Variants in PLXDC2 observed in about 807,000 individuals in gnomAD.
PLXDC2 encodes the protein plexin domain-containing protein 2.
Under a neutral mutation model 68.9 loss-of-function variants are expected in PLXDC2, and 40 were observed. The observed-to-expected ratio is 0.58, with a 90% CI of 0.45 to 0.76. The LOEUF (loss-of-function observed/expected upper bound fraction) is 0.76, where lower values mean the gene tolerates loss of function less well. Among genes scored for constraint, PLXDC2 ranks in the 30% least tolerant of loss-of-function variants. The pLI is 0.00. For missense variants in PLXDC2, 644 were observed against 661.9 expected, an observed-to-expected ratio of 0.97 and a Z score of 0.30; for synonymous variants, 243 against 234.2, an observed-to-expected ratio of 1.04 and a Z score of -0.34.
intron 1 of PLXDC2, among the ~76,000 whole-genome samples, chr10:19,995,962 T>C (rs972383679): frequency 2.0e-5 from 3 of 152,132 alleles, no homozygotes; most frequent in South Asian, 4.1e-4. Flanking sequence ...TTCTGTGTGA[T>C]GGGAACATAG....
chr10:20,226,827 G>A (rs986765437), intron 12 of PLXDC2, among the ~76,000 whole-genome samples: 4 of 152,050 alleles, frequency 2.6e-5, no homozygotes, highest in African/African-American at 9.7e-5. Context: ...TTCAGTGTCC[G>A]CCTCCTGTCT....
At chr10:20,110,293 G>T (rs1033699434) in intron 4 of PLXDC2, among the ~76,000 whole-genome samples, 1 of 152,136 alleles carries the variant, frequency 6.6e-6, no homozygotes, top group Admixed American at 6.5e-5. Flanking sequence ...CTATCCTGGA[G>T]AGAAGACAGG....
chr10:20,006,164 G>A (rs1456996625), intron 2 of PLXDC2, among the ~76,000 whole-genome samples: 1 of 151,966 alleles, frequency 6.6e-6, no homozygotes. Context: ...GGGCAACAGA[G>A]CGAGACTCAG....
At chr10:20,093,581 A>G (rs1030849714) in intron 4 of PLXDC2, among the ~76,000 whole-genome samples, 1 of 152,150 alleles carries the variant, frequency 6.6e-6, no homozygotes, top group Non-Finnish European at 1.5e-5. Flanking sequence ...ATAAAGAACA[A>G]TATTTTTTTT....
intron 13 of PLXDC2, among the ~76,000 whole-genome samples, chr10:20,252,633 T>C (rs1186597995): frequency 1.3e-5 from 2 of 152,194 alleles, no homozygotes; most frequent in African/African-American, 4.8e-5. Flanking sequence ...GCTGGATAAG[T>C]TGACCAGTCA....
In PLXDC2 at chr10:19,877,370, C is replaced by T. The variant is rs193111484; in HGVS notation, c.112+60179C>T. Among the ~76,000 whole-genome samples the T allele has an allele frequency of 3.0e-3, 454 of 152,300 alleles. 3 individuals are homozygous for T. The highest frequency in any genetic ancestry group is 0.01 in the African/African-American group (431 of 41,566). On this transcript the variant is annotated intron_variant, in intron 1 of 13. Coordinates refer to ENST00000377252, the MANE Select transcript of PLXDC2 (RefSeq NM_032812.9). The stretch of plus-strand genomic sequence containing the variant: ...AAATCCAACTCCATAGATTGTTCTT[C>T]GCCCCCATAACTCAGTCTCCCTTTC...
chr10:19,946,026 G>A (rs79985046), intron 1 of PLXDC2, among the ~76,000 whole-genome samples: 3,341 of 152,244 alleles, frequency 0.022, 125 homozygotes, highest in African/African-American at 0.076. Flanking sequence ...CCCTTTGCCC[G>A]TTGATTAAGG....
intron 12 of PLXDC2, among the ~76,000 whole-genome samples, chr10:20,226,389 C>A (rs774861716): frequency 1.3e-5 from 2 of 152,088 alleles, no homozygotes; most frequent in Admixed American, 1.3e-4. Context: ...CCCAGGGAGG[C>A]CAAAATATTG....
At chr10:20,234,568 T>TG (rs1835407469) in intron 12 of PLXDC2, among the ~76,000 whole-genome samples, 1 of 152,172 alleles carries the variant, frequency 6.6e-6, no homozygotes, top group Non-Finnish European at 1.5e-5. Flanking sequence ...TTCTGTCCTA[T>TG]GTGGCACAGT....
intron 1 of PLXDC2, among the ~76,000 whole-genome samples, chr10:19,979,817 T>C (rs917136928): frequency 3.6e-4 from 55 of 152,330 alleles, no homozygotes; most frequent in African/African-American, 1.3e-3. Flanking sequence ...GAGCTTCATC[T>C]TCCCACTTCC....
intron 1 of PLXDC2, among the ~76,000 whole-genome samples, chr10:19,885,972 C>A (rs914680634): frequency 3.9e-5 from 6 of 152,068 alleles, no homozygotes; most frequent in African/African-American, 1.4e-4. Context: ...GATATTGATT[C>A]TTCCTACCCA....
chr10:19,848,238 C>T (rs78288398), intron 1 of PLXDC2, among the ~76,000 whole-genome samples: 4,035 of 152,064 alleles, frequency 0.027, 54 homozygotes, highest in Middle Eastern at 0.041. Flanking sequence ...AGACACAAGA[C>T]GTACCTATTT....
intron 9 of PLXDC2, among the ~76,000 whole-genome samples, chr10:20,205,044 C>G (rs981492357): frequency 2.6e-5 from 4 of 152,106 alleles, no homozygotes; most frequent in African/African-American, 9.7e-5. Context: ...CTATTTCCTA[C>G]ATAGGAATAT....
At chr10:19,972,203 A>T (rs931182578) in intron 1 of PLXDC2, among the ~76,000 whole-genome samples, 1 of 152,216 alleles carries the variant, frequency 6.6e-6, no homozygotes, top group Non-Finnish European at 1.5e-5. Flanking sequence ...CTGGCTGCTT[A>T]TCAGTGTTGG....
At chr10:20,047,551 G>A (rs2131683817) in intron 3 of PLXDC2, among the ~76,000 whole-genome samples, 1 of 152,066 alleles carries the variant, frequency 6.6e-6, no homozygotes, top group East Asian at 1.9e-4. Context: ...TTTTAAACCT[G>A]GACTCATTAT....
chr10:20,123,960 C>T (rs2461931), intron 4 of PLXDC2, among the ~76,000 whole-genome samples: 95,424 of 151,200 alleles, frequency 0.63, 30,660 homozygotes, highest in Middle Eastern at 0.71. Context: ...CCTAGAAAAG[C>T]GGGACTTGCT....
At chr10:19,905,326 C>T (rs1833137041) in intron 1 of PLXDC2, among the ~76,000 whole-genome samples, 1 of 152,234 alleles carries the variant, frequency 6.6e-6, no homozygotes, top group African/African-American at 2.4e-5. Context: ...AAACATCCAG[C>T]TCTCTGATGG....
At chr10:20,099,727 G>A (rs16919841) in intron 4 of PLXDC2, among the ~76,000 whole-genome samples, 5,441 of 152,216 alleles carry the variant, frequency 0.036, 151 homozygotes, top group African/African-American at 0.072. Flanking sequence ...GGTTCTGGGA[G>A]GATAATGCCT....
chr10:19,851,458 T>C (rs369171486), intron 1 of PLXDC2, among the ~76,000 whole-genome samples: 1 of 152,216 alleles, frequency 6.6e-6, no homozygotes, highest in Non-Finnish European at 1.5e-5. Context: ...CATTTATGAC[T>C]CTGAGAAGCT....
Sources: gnomAD v4.1 joint callset for allele counts (sites outside exome capture counted in the v4.1 genomes callset) on GRCh38, gnomAD v4.1.1 for gene constraint, MANE v1.5 for transcripts, NCBI Gene and HGNC (gene_info 2026-07-23, HGNC 2026-07-21) for gene names.